Variants in DSCAML1 observed in about 807,000 individuals in gnomAD.
The protein encoded by DSCAML1 is DS cell adhesion molecule like 1.
DSCAML1 carries 38 observed loss-of-function variants against 200.5 expected under a neutral mutation model. The ratio of observed to expected loss-of-function variants is 0.19; its 90% CI spans 0.15 to 0.25. DSCAML1 has a LOEUF of 0.25. Ranked by LOEUF, DSCAML1 falls within the 10% of genes least tolerant of loss-of-function variation. The pLI is 1.00. For missense variants in DSCAML1, 2,223 were observed against 2,858.8 expected (o/e 0.78, Z 5.07); for synonymous variants, 1,215 against 1,165.0 (o/e 1.04, Z -0.87).
chr11:117,616,537 A>C (rs2051814662), intron 3 of DSCAML1, among the ~76,000 whole-genome samples: 1 of 152,232 alleles, frequency 6.6e-6, no homozygotes, highest in Non-Finnish European at 1.5e-5. Flanking sequence ...TTTTGAATGA[A>C]TGAATCTCCC....
chr11:117,520,794 A>AC (rs200847065), intron 6 of DSCAML1, among the ~76,000 whole-genome samples: 6,203 of 152,110 alleles, frequency 0.041, 182 homozygotes, highest in Middle Eastern at 0.1. Context: ...ATGGTGCAAG[A>AC]TGGTCCCTGC....
At chr11:117,569,533 G>T (rs1285161324) in intron 3 of DSCAML1, among the ~76,000 whole-genome samples, 5 of 152,196 alleles carry the variant, frequency 3.3e-5, no homozygotes, top group Non-Finnish European at 7.3e-5. Context: ...CTCCCAAAGT[G>T]CTGGGGTTAG....
chr11:117,485,932 C>T (rs968383699), intron 11 of DSCAML1, among the ~76,000 whole-genome samples: 1 of 152,214 alleles, frequency 6.6e-6, no homozygotes, highest in Non-Finnish European at 1.5e-5. Flanking sequence ...GCTACACCTA[C>T]TGGTGTCAGC....
chr11:117,632,555 G>A (rs540922112), intron 3 of DSCAML1, among the ~76,000 whole-genome samples: 32 of 152,302 alleles, frequency 2.1e-4, no homozygotes, highest in Admixed American at 4.6e-4. Flanking sequence ...CCTGGGAGCC[G>A]ATATGCCACC....
chr11:117,428,305 C>A lies in DSCAML1; in HGVS notation c.*23G>T, dbSNP rs200183756. ...GGGCTGCGGCGCGGCGCGGTCCAGG[C>A]GTGGCTGCTCTTCCTGCGGGCCCTA... On this transcript the variant is annotated 3_prime_UTR_variant, in exon 33 of 33. Coordinates refer to ENST00000651296, the MANE Select transcript of DSCAML1 (RefSeq NM_020693.4). 1.5e-6 allele frequency: 2 copies of A among 1,344,860 alleles called. No homozygotes were observed. The highest frequency in any genetic ancestry group is 2.1e-6 in the Non-Finnish European group (2 of 949,980). 83.3% of individuals were successfully genotyped at this position (1,344,860 alleles called of 1,614,324 possible). A position where few individuals can be genotyped will look rare whatever the true frequency, so the allele number is the denominator to read the frequency against.
intron 3 of DSCAML1, among the ~76,000 whole-genome samples, chr11:117,668,167 G>T (rs2053019252): frequency 6.6e-6 from 1 of 152,190 alleles, no homozygotes; most frequent in Non-Finnish European, 1.5e-5. Context: ...GCCAAGTAAG[G>T]CAGCAGGAAT....
At chr11:117,698,720 T>C (rs1310790678) in intron 3 of DSCAML1, among the ~76,000 whole-genome samples, 2 of 152,158 alleles carry the variant, frequency 1.3e-5, no homozygotes, top group East Asian at 3.8e-4. Flanking sequence ...TACATGTATA[T>C]CTTCTTTGGA....
intron 18 of DSCAML1, among the ~76,000 whole-genome samples, chr11:117,460,642 GCTTGGTGTGCCTGCGGGAAGCTACTCAAA>G: frequency 6.6e-6 from 1 of 152,278 alleles, no homozygotes; most frequent in South Asian, 2.1e-4. Context: ...GTGGGCAGGA[GCTTGGTGTGCCTGCGGGAAGCTACTCAAA>G]CCTGTTTGCA....
At chr11:117,580,261 T>C (rs2051016480) in intron 3 of DSCAML1, among the ~76,000 whole-genome samples, 1 of 152,226 alleles carries the variant, frequency 6.6e-6, no homozygotes, top group South Asian at 2.1e-4. Context: ...GACCCTTTCA[T>C]TCCTTCTTTG....
At chr11:117,741,453 T>C (rs2054422085) in intron 3 of DSCAML1, among the ~76,000 whole-genome samples, 1 of 152,258 alleles carries the variant, frequency 6.6e-6, no homozygotes. Flanking sequence ...CCACTGCCTA[T>C]TGGATTCTAC....
chr11:117,782,643 G>C (rs11599945), intron 1 of DSCAML1, among the ~76,000 whole-genome samples: 1 of 152,102 alleles, frequency 6.6e-6, no homozygotes, highest in South Asian at 2.1e-4. Flanking sequence ...ACCGAGGCTC[G>C]GGAGGTTTCT....
intron 3 of DSCAML1, among the ~76,000 whole-genome samples, chr11:117,550,424 A>G (rs937063666): frequency 7.9e-6 from 1 of 126,146 alleles, no homozygotes; most frequent in Non-Finnish European, 1.7e-5. Context: ...CCCTGGCCCC[A>G]GTGTCTGGCC....
At chr11:117,779,749 G>C in intron 2 of DSCAML1, among the ~76,000 whole-genome samples, 1 of 152,200 alleles carries the variant, frequency 6.6e-6, no homozygotes, top group African/African-American at 2.4e-5. Context: ...AATCAGAATA[G>C]TGGTGGCTCT....
chr11:117,440,920 C>CAAAAAAAAA lies in DSCAML1; in HGVS notation c.3863-993_3863-985dup, dbSNP rs1170541792. 6.6e-4 allele frequency among the ~76,000 whole-genome samples: 27 copies of CAAAAAAAAA among 41,112 alleles called. 2 individuals are homozygous for CAAAAAAAAA. Among genetic ancestry groups the CAAAAAAAAA allele is most frequent in the African/African-American group, 2.4e-3 (27 of 11,136 alleles). 27.0% of individuals were successfully genotyped at this position (41,112 alleles called of 152,430 possible). On this transcript the variant is annotated intron_variant, in intron 21 of 32. Transcript: ENST00000651296. Reference sequence around the variant, plus strand: ...TGGGTGACAGAGCAAGACTCTGTCTCAAAAAAAAAAAAAAAAAAAAAAAAA... The same window carrying CAAAAAAAAA: ...TGGGTGACAGAGCAAGACTCTGTCTCAAAAAAAAAAAAAAAAAAAAAAAAAAAAAAAAAA...
intron 3 of DSCAML1, among the ~76,000 whole-genome samples, chr11:117,590,462 C>A (rs890055254): frequency 6.6e-6 from 1 of 152,068 alleles, no homozygotes; most frequent in Non-Finnish European, 1.5e-5. Flanking sequence ...CTGGTCTGCA[C>A]CAGAAAGCAG....
At position 117,435,819 on chromosome 11, in the gene DSCAML1, A is replaced by G. The variant is rs767449538; in HGVS notation, c.4721-20T>C. 6.3e-7 allele frequency: 1 copy of G among 1,593,650 alleles called. No individual in the cohort carries two copies. The highest frequency in any genetic ancestry group is 2.3e-5 in the East Asian group (1 of 44,292). On this transcript the variant is annotated intron_variant, in intron 26 of 32. Coordinates refer to ENST00000651296, the MANE Select transcript of DSCAML1 (RefSeq NM_020693.4). ...TGGTGCCTGAATGAGGGCAAAGAAT[A>G]GAATTAGATGTCCCTTATGAGCCAG...
intron 3 of DSCAML1, among the ~76,000 whole-genome samples, chr11:117,571,174 C>T (rs2050842388): frequency 7.9e-5 from 12 of 152,222 alleles, no homozygotes; most frequent in Admixed American, 7.9e-4. Context: ...GGGCCCTCTG[C>T]CTCTAGAACA....
Position 117,545,237 on chromosome 11 carries a change from AC to A in DSCAML1, c.512-12716del, listed in dbSNP as rs1402006281. On this transcript the variant is annotated intron_variant, in intron 3 of 32. Transcript: ENST00000651296. Reference sequence around the variant, plus strand: ...AGAGCAAGATTCCGTAAAAAAAAACACACACACACACACACACACACACAAA... The same window carrying A: ...AGAGCAAGATTCCGTAAAAAAAAACAACACACACACACACACACACACAAA... Among the ~76,000 whole-genome samples the A allele has an allele frequency of 7.8e-4, 78 of 99,742 alleles. 1 individual carries two copies. Among genetic ancestry groups the A allele is most frequent in the African/African-American group, 1.5e-3 (42 of 27,248 alleles). The allele number at this position is 99,742 out of a possible 152,430, so 65.4% of individuals were successfully genotyped here.
At chr11:117,775,655 A>T (rs1480691213) in intron 3 of DSCAML1, among the ~76,000 whole-genome samples, 1 of 152,112 alleles carries the variant, frequency 6.6e-6, no homozygotes, top group African/African-American at 2.4e-5. Flanking sequence ...TTCTTGTCCT[A>T]GGTACACATC....
Sources: allele counts gnomAD v4.1 joint callset (sites outside exome capture counted in the v4.1 genomes callset), GRCh38; gene constraint gnomAD v4.1.1; transcripts MANE v1.5; gene names NCBI Gene and HGNC (gene_info 2026-07-23, HGNC 2026-07-21).